OR1J2: variants seen among roughly 807,000 people sequenced by gnomAD.
OR1J2 encodes the protein olfactory receptor family 1 subfamily J member 2.
For missense variants in OR1J2, 304 were observed against 246.1 expected (o/e 1.24, Z -1.57); for synonymous variants, 142 against 99.7 (o/e 1.42, Z -2.52).
chr9:122,553,061 A>T, the OR1J2 span: 1 of 769,358 alleles, frequency 1.3e-6, no homozygotes, highest in Non-Finnish European at 2.2e-6. Context: ...TGAGATTCAG[A>T]GATTCTTATT....
At chr9:122,457,883 C>T in the OR1J2 span, among the ~76,000 whole-genome samples, 1 of 152,128 alleles carries the variant, frequency 6.6e-6, no homozygotes, top group Non-Finnish European at 1.5e-5. Flanking sequence ...CCACAAAATA[C>T]TCTATCTCTA....
the OR1J2 span, among the ~76,000 whole-genome samples, chr9:122,518,176 A>C: frequency 6.6e-6 from 1 of 152,182 alleles, no homozygotes; most frequent in African/African-American, 2.4e-5. Context: ...AGAATATTTT[A>C]ATGGGTAGAT....
the OR1J2 span, among the ~76,000 whole-genome samples, chr9:122,484,250 CT>C: frequency 3.3e-5 from 5 of 152,078 alleles, no homozygotes; most frequent in Non-Finnish European, 5.9e-5. Context: ...CAACCTCCAC[CT>C]CCTGGGTTCA....
chr9:122,580,319 G>T, the OR1J2 span, among the ~76,000 whole-genome samples: 1 of 148,574 alleles, frequency 6.7e-6, no homozygotes, highest in East Asian at 1.9e-4. Flanking sequence ...TCTAGGAAAT[G>T]TATTCTTTTT....
chr9:122,507,920 G>T (rs1166460628), upstream of OR1J2, among the ~76,000 whole-genome samples: 1 of 152,180 alleles, frequency 6.6e-6, no homozygotes, highest in East Asian at 1.9e-4. Flanking sequence ...ACCTTATGGG[G>T]TATAATTGCA....
At chr9:122,571,090 A>G in the OR1J2 span, among the ~76,000 whole-genome samples, 1 of 152,196 alleles carries the variant, frequency 6.6e-6, no homozygotes, top group Non-Finnish European at 1.5e-5. Flanking sequence ...ATTTCTACAG[A>G]ATTACCCTCT....
the OR1J2 span, among the ~76,000 whole-genome samples, chr9:122,532,283 C>T: frequency 0.011 from 1,608 of 152,166 alleles, 32 homozygotes; most frequent in African/African-American, 0.037. Flanking sequence ...TAGATTTCCA[C>T]GATGGAAAGG....
the OR1J2 span, among the ~76,000 whole-genome samples, chr9:122,577,686 T>TGTAAA: frequency 7.5e-4 from 114 of 152,336 alleles, no homozygotes; most frequent in Middle Eastern, 3.4e-3. Context: ...CAGGTGGAAA[T>TGTAAA]GTAAAGTATC....
chr9:122,528,405 C>A, the OR1J2 span, among the ~76,000 whole-genome samples: 1 of 152,300 alleles, frequency 6.6e-6, no homozygotes, highest in East Asian at 1.9e-4. Flanking sequence ...CAAGACCAGC[C>A]TGACCAACAT....
upstream of OR1J2, among the ~76,000 whole-genome samples, chr9:122,506,497 G>C (rs1828524899): frequency 6.6e-6 from 1 of 151,996 alleles, no homozygotes; most frequent in Non-Finnish European, 1.5e-5. Flanking sequence ...TTTTATTCTT[G>C]GTGTCTGAGA....
chr9:122,462,398 A>G, the OR1J2 span, among the ~76,000 whole-genome samples: 32 of 152,202 alleles, frequency 2.1e-4, no homozygotes, highest in African/African-American at 7.2e-4. Flanking sequence ...TAAGTGGAAC[A>G]TTTAGACTAT....
At chr9:122,479,555 T>C in the OR1J2 span, among the ~76,000 whole-genome samples, 2 of 152,326 alleles carry the variant, frequency 1.3e-5, no homozygotes, top group Admixed American at 6.5e-5. Context: ...CATTTAATAG[T>C]GTAATTACGA....
At chr9:122,567,927 G>C in the OR1J2 span, 1 of 1,614,140 alleles carries the variant, frequency 6.2e-7, no homozygotes, top group South Asian at 1.1e-5. Flanking sequence ...TTTCAGCACA[G>C]GGCTGAGGTC....
chr9:122,516,000 C>T (rs187691634), downstream of OR1J2, among the ~76,000 whole-genome samples: 39 of 152,178 alleles, frequency 2.6e-4, 1 homozygote, highest in South Asian at 1.0e-3. Flanking sequence ...ATCTCATATA[C>T]GACACCTTCT....
chr9:122,456,862 C>G, the OR1J2 span, among the ~76,000 whole-genome samples: 2 of 152,286 alleles, frequency 1.3e-5, no homozygotes, highest in East Asian at 3.9e-4. Context: ...TCAGCAATCC[C>G]ATTACTGGAT....
the OR1J2 span, among the ~76,000 whole-genome samples, chr9:122,552,571 T>TG: frequency 1.3e-5 from 2 of 151,848 alleles, no homozygotes; most frequent in Non-Finnish European, 2.9e-5. Flanking sequence ...TAACAGTGGA[T>TG]GGGGGAGTAC....
At chr9:122,513,199 C>T (rs1380687599), downstream of OR1J2, among the ~76,000 whole-genome samples, 1 of 152,182 alleles carries the variant, frequency 6.6e-6, no homozygotes, top group Non-Finnish European at 1.5e-5. Context: ...CTTTTTGTCA[C>T]ATTGGCTGTA....
At chr9:122,480,589 G>A in the OR1J2 span, among the ~76,000 whole-genome samples, 1 of 151,106 alleles carries the variant, frequency 6.6e-6, no homozygotes, top group South Asian at 2.1e-4. Flanking sequence ...CCTTTTGAAG[G>A]ATCTAAAAAC....
chr9:122,579,408 C>T, the OR1J2 span, among the ~76,000 whole-genome samples: 1 of 152,050 alleles, frequency 6.6e-6, no homozygotes, highest in Admixed American at 6.6e-5. Context: ...CTGGAGATTG[C>T]TTTGGAGATA....
Sources: allele counts gnomAD v4.1 joint callset (sites outside exome capture counted in the v4.1 genomes callset), GRCh38; gene constraint gnomAD v4.1.1; transcripts MANE v1.5; gene names NCBI Gene and HGNC (gene_info 2026-07-23, HGNC 2026-07-21).